Variants in SEMA5A observed in about 807,000 individuals in gnomAD.
SEMA5A encodes the protein semaphorin-5A.
SEMA5A carries 55 observed loss-of-function variants against 135.5 expected under a neutral mutation model. The ratio of observed to expected loss-of-function variants is 0.41; its 90% CI spans 0.33 to 0.51. The LOEUF (loss-of-function observed/expected upper bound fraction) is 0.51, where lower values mean the gene tolerates loss of function less well. Ranked by LOEUF, SEMA5A falls within the 20% of genes least tolerant of loss-of-function variation. SEMA5A has a pLI of 0.37. For synonymous variants in SEMA5A, 580 were observed against 546.5 expected (o/e 1.06, Z -0.85); for missense variants, 1,290 against 1,419.9 (o/e 0.91, Z 1.47).
chr5:9,338,062 A>G (rs1294106153), intron 3 of SEMA5A, among the ~76,000 whole-genome samples: 1 of 152,238 alleles, frequency 6.6e-6, no homozygotes, highest in Non-Finnish European at 1.5e-5. Flanking sequence ...GTTGTGATTT[A>G]CAAGCCAGAT....
chr5:9,170,272 T>A (rs1218818429), intron 11 of SEMA5A, among the ~76,000 whole-genome samples: 1 of 152,132 alleles, frequency 6.6e-6, no homozygotes, highest in African/African-American at 2.4e-5. Flanking sequence ...GAAAAATACA[T>A]GTGAAACTTT....
chr5:9,451,780 T>C (rs1462084240), intron 1 of SEMA5A, among the ~76,000 whole-genome samples: 1 of 152,176 alleles, frequency 6.6e-6, no homozygotes, highest in East Asian at 1.9e-4. Flanking sequence ...CCAGGTTTCT[T>C]GATTCTCTCT....
intron 1 of SEMA5A, among the ~76,000 whole-genome samples, chr5:9,521,865 C>T (rs1258580585): frequency 6.6e-6 from 1 of 152,124 alleles, no homozygotes; most frequent in Non-Finnish European, 1.5e-5. Context: ...GACCTAGACA[C>T]CTTACAGGGA....
chr5:9,253,951 T>C (rs974899252), intron 5 of SEMA5A, among the ~76,000 whole-genome samples: 1 of 152,182 alleles, frequency 6.6e-6, no homozygotes, highest in Non-Finnish European at 1.5e-5. Context: ...TGCTCCTCCA[T>C]GCCTAACATC....
At chr5:9,171,063 A>AG (rs1421195337) in intron 11 of SEMA5A, among the ~76,000 whole-genome samples, 4 of 152,194 alleles carry the variant, frequency 2.6e-5, no homozygotes, top group Non-Finnish European at 5.9e-5. Context: ...GTGAAAGAAA[A>AG]GGGGTGAGAG....
intron 3 of SEMA5A, among the ~76,000 whole-genome samples, chr5:9,353,241 A>AAGGGAAGGGAAGGG (rs1561177448): frequency 2.1e-5 from 2 of 95,220 alleles, no homozygotes; most frequent in Admixed American, 1.2e-4. Context: ...GAAAGGAAGG[A>AAGGGAAGGGAAGGG]AAGGGAAGGG....
Position 9,545,598 on chromosome 5 carries a change from G to T in SEMA5A, c.-189C>A, listed in dbSNP as rs1579721255. 6.6e-6 allele frequency: 1 copy of T among 152,266 alleles called. No individual in the cohort carries two copies. The highest frequency in any genetic ancestry group is 2.1e-4 in the South Asian group (1 of 4,842). 9.4% of individuals were successfully genotyped at this position (152,266 alleles called of 1,614,324 possible). A position where few individuals can be genotyped will look rare whatever the true frequency, so the allele number is the denominator to read the frequency against. ...GGGTCGCTCACCAGGTGCGAGGAGC[G>T]CTGGTGCCAGTCATCCAGCGCCTGG... On this transcript the variant is annotated 5_prime_UTR_variant, in exon 1 of 23. Coordinates refer to ENST00000382496, the MANE Select transcript of SEMA5A (RefSeq NM_003966.3). The surrounding 1 kb of genome is among the most constrained non-coding windows in gnomAD (Gnocchi z 4.5).
intron 8 of SEMA5A, among the ~76,000 whole-genome samples, chr5:9,216,557 A>G (rs921746072): frequency 1.3e-5 from 2 of 152,306 alleles, no homozygotes; most frequent in Non-Finnish European, 1.5e-5. Context: ...TTTGTGCCTC[A>G]ATGATCTGTC....
At chr5:9,504,015 G>T (rs1410839768) in intron 1 of SEMA5A, among the ~76,000 whole-genome samples, 1 of 152,004 alleles carries the variant, frequency 6.6e-6, no homozygotes, top group African/African-American at 2.4e-5. Context: ...AGGGATTTGA[G>T]ACTAGCCTGG....
chr5:9,116,601 A>G (rs1740527172), intron 15 of SEMA5A, among the ~76,000 whole-genome samples: 1 of 152,254 alleles, frequency 6.6e-6, no homozygotes, highest in Non-Finnish European at 1.5e-5. Context: ...AAAATCACTA[A>G]CTATAAACCT....
At chr5:9,353,189 G>GGGAAA (rs1204266521) in intron 3 of SEMA5A, among the ~76,000 whole-genome samples, 4,771 of 16,654 alleles carry the variant, frequency 0.29, 1,005 homozygotes, top group Non-Finnish European at 0.35. Context: ...AGGAAGGGAA[G>GGGAAA]GGAAAGGAAA....
intron 10 of SEMA5A, among the ~76,000 whole-genome samples, chr5:9,193,123 T>A (rs757445): frequency 6.6e-6 from 1 of 152,050 alleles, no homozygotes; most frequent in African/African-American, 2.4e-5. Context: ...TTGCTGGCTA[T>A]AATATTCCAC....
chr5:9,227,091 A>G (rs1268954762), intron 6 of SEMA5A, 124 bp from the exon 7 acceptor site: 2 of 385,558 alleles, frequency 5.2e-6, no homozygotes, highest in East Asian at 1.2e-4. Flanking sequence ...TAAATATGTA[A>G]GCCATTAATA....
intron 2 of SEMA5A, among the ~76,000 whole-genome samples, chr5:9,392,133 A>G (rs1756188056): frequency 6.6e-6 from 1 of 152,140 alleles, no homozygotes; most frequent in Non-Finnish European, 1.5e-5. Flanking sequence ...TTTTACTAAA[A>G]TGTCACCTCT....
intron 5 of SEMA5A, among the ~76,000 whole-genome samples, chr5:9,267,877 C>T (rs566613701): frequency 6.6e-6 from 1 of 152,170 alleles, no homozygotes; most frequent in Non-Finnish European, 1.5e-5. Context: ...ATACTATTCT[C>T]TTTACCTTTG....
intron 16 of SEMA5A, among the ~76,000 whole-genome samples, chr5:9,080,273 T>C (rs923210371): frequency 1.3e-5 from 2 of 152,130 alleles, no homozygotes; most frequent in Non-Finnish European, 2.9e-5. Context: ...CTGGAAACCA[T>C]CATTCTCAGC....
intron 1 of SEMA5A, among the ~76,000 whole-genome samples, chr5:9,456,632 G>A (rs2126717957): frequency 6.6e-6 from 1 of 152,186 alleles, no homozygotes. Flanking sequence ...ACCACAAAGG[G>A]GCTGGAGGAG....
intron 1 of SEMA5A, among the ~76,000 whole-genome samples, chr5:9,469,533 T>G (rs902510776): frequency 1.3e-5 from 2 of 152,112 alleles, no homozygotes; most frequent in African/African-American, 4.8e-5. Context: ...ATTTCACATT[T>G]GAGAAAAATG....
Position 9,379,933 on chromosome 5 carries a change from C to T in SEMA5A, c.14G>A (p.Cys5Tyr). The change falls in exon 3 of 23, where the codon TGT (cysteine) becomes TAT (tyrosine). Residue 5 changes from cysteine (C) to tyrosine (Y), a missense_variant. This residue lies in a region of SEMA5A where 116 missense variants were observed against 121.3 expected (regional missense o/e 0.96). Coordinates refer to ENST00000382496, the MANE Select transcript of SEMA5A (RefSeq NM_003966.3). ...GCTTGAGAACAGCCATGCTATAACACAGGTTCCCTTCATGGTGGGCAAGGG... is the reference window on the plus strand; with the variant it reads ...GCTTGAGAACAGCCATGCTATAACATAGGTTCCCTTCATGGTGGGCAAGGG... MKGTCVIAWLFSSLG... is the reference protein window; with the variant it reads MKGTYVIAWLFSSLG... 1 of 1,612,260 alleles carries T rather than the reference C, an allele frequency of 6.2e-7. No individual in the cohort carries two copies. The highest frequency in any genetic ancestry group is 8.5e-7 in the Non-Finnish European group (1 of 1,178,972).
Sources: allele counts gnomAD v4.1 joint callset (sites outside exome capture counted in the v4.1 genomes callset), GRCh38; gene constraint gnomAD v4.1.1; regional missense constraint gnomAD v4.1.1; non-coding constraint Gnocchi (gnomAD v3.1); transcripts MANE v1.5; gene names NCBI Gene and HGNC (gene_info 2026-07-23, HGNC 2026-07-21).